The following MAP4 variants were observed in gnomAD, a reference collection of about 807,000 sequenced individuals.
The protein encoded by MAP4 is microtubule-associated protein 4.
Under a neutral mutation model 170.2 loss-of-function variants are expected in MAP4, and 76 were observed. The ratio of observed to expected loss-of-function variants is 0.45; its 90% CI spans 0.37 to 0.54. MAP4 has a LOEUF of 0.54. Ranked by LOEUF, MAP4 falls within the 20% of genes least tolerant of loss-of-function variation. MAP4 has a pLI of 0.00. For synonymous variants in MAP4, 909 were observed against 994.5 expected (o/e 0.91, Z 1.62); for missense variants, 2,506 against 2,748.0 (o/e 0.91, Z 1.97).
At chr3:47,885,398 C>CA (rs2097410969) in intron 10 of MAP4, among the ~76,000 whole-genome samples, 1 of 150,778 alleles carries the variant, frequency 6.6e-6, no homozygotes, top group African/African-American at 2.4e-5. Flanking sequence ...ATCAATCAAT[C>CA]AATTCATCAG....
Position 47,850,824 on chromosome 3 carries a change from C to A in MAP4, c.*2110G>T, listed in dbSNP as rs1049087134. ...AGAAATGTCCCACCCCAAACAGCTG[C>A]GGAGTACACATCACACAGGGCCTCT... On this transcript the variant is annotated 3_prime_UTR_variant, in exon 21 of 21. Coordinates refer to ENST00000683076, the MANE Select transcript of MAP4 (RefSeq NM_001385682.1). 1 of 152,424 alleles carries A rather than the reference C, an allele frequency of 6.6e-6. No homozygotes were observed. The highest frequency in any genetic ancestry group is 6.5e-5 in the Admixed American group (1 of 15,300). The allele number at this position is 152,424 out of a possible 1,614,324, so 9.4% of individuals were successfully genotyped here. A position where few individuals can be genotyped will look rare whatever the true frequency, so the allele number is the denominator to read the frequency against.
intron 11 of MAP4, chr3:47,876,853 A>C (rs1359996510): frequency 2.0e-5 from 3 of 151,936 alleles, no homozygotes; most frequent in Non-Finnish European, 4.4e-5. Context: ...ATATTTTTGC[A>C]ATTGTCCTTT....
intron 10 of MAP4, among the ~76,000 whole-genome samples, chr3:47,901,547 G>A (rs1550913): frequency 6.6e-6 from 1 of 151,846 alleles, no homozygotes; most frequent in Non-Finnish European, 1.5e-5. Flanking sequence ...ACGGAGGCAC[G>A]CACCTGTAGT....
intron 1 of MAP4, among the ~76,000 whole-genome samples, chr3:48,065,608 G>A (rs138343193): frequency 3.2e-4 from 49 of 152,276 alleles, no homozygotes; most frequent in Admixed American, 6.5e-4. Flanking sequence ...CCTTGGTGTT[G>A]AGCAAATCAA....
intron 1 of MAP4, among the ~76,000 whole-genome samples, chr3:48,072,960 G>A (rs528410012): frequency 7.9e-5 from 12 of 151,998 alleles, no homozygotes; most frequent in Non-Finnish European, 1.5e-4. Context: ...GCCAAGTGCA[G>A]TGGCTCACGC....
At chr3:47,966,265 T>G (rs930118977) in intron 3 of MAP4, among the ~76,000 whole-genome samples, 10 of 117,084 alleles carry the variant, frequency 8.5e-5, no homozygotes, top group African/African-American at 3.4e-4. Flanking sequence ...TTTTTTTTTT[T>G]GAGACAGAGT....
intron 1 of MAP4, among the ~76,000 whole-genome samples, chr3:48,004,061 A>C (rs368636899): frequency 6.6e-6 from 1 of 152,174 alleles, no homozygotes; most frequent in Non-Finnish European, 1.5e-5. Context: ...TACTTACTAA[A>C]TTCCTCTTTT....
rs2100099381 is a variant in MAP4 at position 48,001,930 on chromosome 3, G to A, written c.-19-3051C>T. ...TCACTCTTGTTGCCCAGGCTGGAGTGCAACGGCACCATCTCAGCTCACCGG... is the reference window on the plus strand; with the variant it reads ...TCACTCTTGTTGCCCAGGCTGGAGTACAACGGCACCATCTCAGCTCACCGG... On this transcript the variant is annotated intron_variant, in intron 1 of 20. Transcript: ENST00000683076. 4.6e-5 allele frequency among the ~76,000 whole-genome samples: 7 copies of A among 150,552 alleles called. 1 individual carries two copies. The South Asian group carries it at 1.5e-3, about 32-fold the overall frequency.
intron 1 of MAP4, among the ~76,000 whole-genome samples, chr3:48,050,209 G>A (rs1460356069): frequency 6.7e-6 from 1 of 149,002 alleles, no homozygotes; most frequent in Non-Finnish European, 1.5e-5. Flanking sequence ...GAAGTGAGCC[G>A]AGATGACACT....
intron 10 of MAP4, among the ~76,000 whole-genome samples, chr3:47,887,463 G>C (rs1250621057): frequency 6.6e-6 from 1 of 152,226 alleles, no homozygotes; most frequent in African/African-American, 2.4e-5. Flanking sequence ...CTCGGGACCT[G>C]CAGCCCGCCA....
At chr3:47,882,614 T>C (rs1481365198) in intron 10 of MAP4, among the ~76,000 whole-genome samples, 1 of 152,094 alleles carries the variant, frequency 6.6e-6, no homozygotes, top group African/African-American at 2.4e-5. Context: ...TACTACTGTT[T>C]TTTCCTCTAG....
chr3:48,045,168 G>T (rs2100123770), intron 1 of MAP4, among the ~76,000 whole-genome samples: 1 of 146,676 alleles, frequency 6.8e-6, no homozygotes, highest in African/African-American at 2.5e-5. Context: ...TGAGGCAGGA[G>T]AATCGCTTGA....
intron 10 of MAP4, chr3:47,891,379 A>G: frequency 6.5e-7 from 1 of 1,536,104 alleles, no homozygotes. Flanking sequence ...GCAGTTTCCC[A>G]GGGCTCAATT....
At chr3:48,010,067 G>A (rs1241078201) in intron 1 of MAP4, among the ~76,000 whole-genome samples, 1 of 152,104 alleles carries the variant, frequency 6.6e-6, no homozygotes, top group Admixed American at 6.6e-5. Context: ...GACCCATTAG[G>A]GCATCTCTTC....
intron 1 of MAP4, among the ~76,000 whole-genome samples, chr3:48,082,288 G>T (rs1370664472): frequency 1.3e-5 from 2 of 152,220 alleles, no homozygotes; most frequent in African/African-American, 4.8e-5. Flanking sequence ...ATCAGATTCT[G>T]TATAACCTCA....
intron 1 of MAP4, among the ~76,000 whole-genome samples, chr3:48,009,079 TG>T (rs2100103902): frequency 6.6e-6 from 1 of 152,168 alleles, no homozygotes; most frequent in African/African-American, 2.4e-5. Flanking sequence ...ATTTGTGGAA[TG>T]TTTTTTTGGT....
At chr3:48,039,637 T>C (rs2100120617) in intron 1 of MAP4, 1 of 152,230 alleles carries the variant, frequency 6.6e-6, no homozygotes, top group African/African-American at 2.4e-5. Flanking sequence ...CAGAATTTGA[T>C]TTAGTAAATC....
chr3:47,977,245 C>T (rs2100082702), intron 3 of MAP4, among the ~76,000 whole-genome samples: 1 of 152,204 alleles, frequency 6.6e-6, no homozygotes. Context: ...GGGACTCCTG[C>T]TACTGCTTTG....
chr3:47,972,602 G>C (rs954409097), intron 3 of MAP4, among the ~76,000 whole-genome samples: 3 of 152,024 alleles, frequency 2.0e-5, no homozygotes, highest in Non-Finnish European at 4.4e-5. Context: ...AAAATCATAA[G>C]TGGGCTGGGC....
Sources: gnomAD v4.1 joint callset for allele counts (sites outside exome capture counted in the v4.1 genomes callset) on GRCh38, gnomAD v4.1.1 for gene constraint, MANE v1.5 for transcripts, NCBI Gene and HGNC (gene_info 2026-07-23, HGNC 2026-07-21) for gene names.